Variants in FAM53B observed in about 807,000 individuals in gnomAD.
FAM53B encodes the protein family with sequence similarity 53 member B.
A neutral mutation model predicts 32.7 loss-of-function variants in FAM53B; 12 were observed. The ratio of observed to expected loss-of-function variants is 0.37; its 90% CI spans 0.24 to 0.59. The LOEUF (loss-of-function observed/expected upper bound fraction) is 0.59. Among genes scored for constraint, FAM53B ranks in the 20% least tolerant of loss-of-function variants. FAM53B has a pLI of 0.72. For missense variants in FAM53B, 477 were observed against 577.7 expected, an observed-to-expected ratio of 0.83 and a Z score of 1.79; for synonymous variants, 234 against 228.7, an observed-to-expected ratio of 1.02 and a Z score of -0.21.
Position 124,744,166 on chromosome 10 carries a change from G to T in FAM53B, c.-328C>A. The T allele has an allele frequency of 6.8e-6, 1 of 147,370 alleles. No homozygotes were observed. Among genetic ancestry groups the T allele is most frequent in the South Asian group, 2.1e-4 (1 of 4,834 alleles). The allele number at this position is 147,370 out of a possible 1,614,324, so 9.1% of individuals were successfully genotyped here. ...AGCGACTCCCGGGGAGGAGGAAATCGACTTGTCACTTCCTGAAGTGTTTGC... is the reference window on the plus strand; with the variant it reads ...AGCGACTCCCGGGGAGGAGGAAATCTACTTGTCACTTCCTGAAGTGTTTGC... On this transcript the variant is annotated 5_prime_UTR_variant, in exon 1 of 5. Coordinates refer to ENST00000337318, the MANE Select transcript of FAM53B (RefSeq NM_014661.4).
At position 124,682,263 on chromosome 10, in the gene FAM53B, C is replaced by T; in HGVS notation, c.250G>A (p.Val84Met). Residue 84 changes from valine (V) to methionine (M), a missense_variant, in exon 4 of 5, where the codon GTG becomes ATG. Val to Met is a conservative substitution (Grantham distance 21). This residue lies in a region of FAM53B where 312 missense variants were observed against 420.2 expected (regional missense o/e 0.74). Transcript: ENST00000337318. This position sits in a 1 kb window ranked among gnomAD's most constrained non-coding sequence, Gnocchi z 5.2. ...AGACTGGTCACAGCGCAGGCGGTCA[C>T]TGCCTCCCGGTGCCATAGTGAGCTG... Reference protein sequence around the residue: ...KDSSLWHREAVTACAVTSLIK... With the variant: ...KDSSLWHREAMTACAVTSLIK... 6.2e-7 allele frequency: 1 copy of T among 1,614,096 alleles called. No homozygotes were observed. The highest frequency in any genetic ancestry group is 8.5e-7 in the Non-Finnish European group (1 of 1,180,000).
chr10:124,725,208 A>G (rs560527962), intron 1 of FAM53B, among the ~76,000 whole-genome samples: 2 of 152,250 alleles, frequency 1.3e-5, no homozygotes, highest in African/African-American at 4.8e-5. Context: ...AAAACCCCCA[A>G]ATGAGAGGAA....
chr10:124,659,669 C>T (rs553133448), intron 4 of FAM53B, among the ~76,000 whole-genome samples: 2 of 152,362 alleles, frequency 1.3e-5, no homozygotes, highest in African/African-American at 4.8e-5. Flanking sequence ...AGAGTGGCTG[C>T]AAAACCACCT....
chr10:124,661,037 C>A (rs1228036825), intron 4 of FAM53B, among the ~76,000 whole-genome samples: 1 of 140,672 alleles, frequency 7.1e-6, no homozygotes, highest in African/African-American at 2.7e-5. Flanking sequence ...GCCACCTGTA[C>A]CCCAAAAGCT....
intron 3 of FAM53B, among the ~76,000 whole-genome samples, chr10:124,694,074 G>C (rs1175913530): frequency 6.6e-6 from 1 of 152,228 alleles, no homozygotes; most frequent in African/African-American, 2.4e-5. Flanking sequence ...GAGCAGCAGA[G>C]GAGAACAAGG....
intron 2 of FAM53B, among the ~76,000 whole-genome samples, chr10:124,697,406 A>G (rs886255635): frequency 6.6e-6 from 1 of 152,086 alleles, no homozygotes; most frequent in African/African-American, 2.4e-5. Context: ...TGGCAGGAGG[A>G]TGGGGCTGAC....
chr10:124,680,301 A>G (rs1589748553), intron 4 of FAM53B, among the ~76,000 whole-genome samples: 1 of 152,090 alleles, frequency 6.6e-6, no homozygotes, highest in Non-Finnish European at 1.5e-5. Context: ...CAAGCATACC[A>G]CCATCTTGCC....
chr10:124,691,381 A>C (rs1446720689), intron 3 of FAM53B, among the ~76,000 whole-genome samples: 1 of 152,244 alleles, frequency 6.6e-6, no homozygotes, highest in East Asian at 1.9e-4. Flanking sequence ...ATAATGTATG[A>C]TCCTTCTGCT....
chr10:124,699,750 C>G (rs1564881291), intron 2 of FAM53B, among the ~76,000 whole-genome samples: 1 of 152,230 alleles, frequency 6.6e-6, no homozygotes, highest in East Asian at 1.9e-4. Flanking sequence ...GCCCAGAACT[C>G]AAGCCTGGCT....
chr10:124,691,362 T>G (rs1039711553), intron 3 of FAM53B, among the ~76,000 whole-genome samples: 2 of 152,260 alleles, frequency 1.3e-5, no homozygotes, highest in Admixed American at 1.3e-4. Context: ...TTACAATTCC[T>G]TTTTATACAT....
chr10:124,688,713 G>A (rs554020774), intron 3 of FAM53B, among the ~76,000 whole-genome samples: 1 of 152,240 alleles, frequency 6.6e-6, no homozygotes, highest in African/African-American at 2.4e-5. Flanking sequence ...AAGAAGGGCA[G>A]AAGACTGCTG....
intron 1 of FAM53B, among the ~76,000 whole-genome samples, chr10:124,731,941 A>T (rs1441660430): frequency 6.6e-6 from 1 of 152,172 alleles, no homozygotes; most frequent in South Asian, 2.1e-4. Context: ...TGCATTTGGC[A>T]TGAAGACCCA....
At chr10:124,650,356 C>T (rs2134050189) in intron 4 of FAM53B, among the ~76,000 whole-genome samples, 1 of 152,318 alleles carries the variant, frequency 6.6e-6, no homozygotes, top group South Asian at 2.1e-4. Flanking sequence ...CTAAGCGTTC[C>T]AGTTGGACCC....
chr10:124,723,285 TAAGTC>T (rs1950081161), intron 1 of FAM53B, among the ~76,000 whole-genome samples: 1 of 152,238 alleles, frequency 6.6e-6, no homozygotes, highest in South Asian at 2.1e-4. Flanking sequence ...ATCACCACGT[TAAGTC>T]AAGTCTCAAC....
At chr10:124,671,643 G>A (rs1949707546) in intron 4 of FAM53B, among the ~76,000 whole-genome samples, 1 of 152,198 alleles carries the variant, frequency 6.6e-6, no homozygotes, top group South Asian at 2.1e-4. Context: ...GGCCCTTCAG[G>A]GAGAGGGTGG....
In FAM53B at chr10:124,626,671, A is replaced by AC. The variant is rs1949358039; in HGVS notation, c.907-3068dup. ...TTCCCCAGTCTAAGGCATCTTTGTC[A>AC]CAGCAGCCCAAACAAAGTAAGACAC... On this transcript the variant is annotated intron_variant, in intron 4 of 4. Transcript: ENST00000337318. Among the ~76,000 whole-genome samples the AC allele has an allele frequency of 2.0e-5, 3 of 152,274 alleles. No individual in the cohort carries two copies. In the South Asian group the frequency reaches 6.2e-4, roughly 32 times the overall value.
intron 1 of FAM53B, among the ~76,000 whole-genome samples, chr10:124,714,776 A>AC (rs1554910411): frequency 3.4e-4 from 52 of 151,512 alleles, no homozygotes; most frequent in East Asian, 2.1e-3. Context: ...AAAAAAAAAA[A>AC]AAAGAAAACC....
At chr10:124,718,996 C>G (rs1950052546) in intron 1 of FAM53B, among the ~76,000 whole-genome samples, 1 of 151,638 alleles carries the variant, frequency 6.6e-6, no homozygotes, top group African/African-American at 2.4e-5. Flanking sequence ...ATGATAGCAA[C>G]ACTTCACTAC....
At chr10:124,736,183 T>A (rs11245345) in intron 1 of FAM53B, among the ~76,000 whole-genome samples, 12,694 of 152,280 alleles carry the variant, frequency 0.083, 749 homozygotes, top group Non-Finnish European at 0.12. Context: ...AAACGCTGGG[T>A]GGCAGGACCA....
Sources: gnomAD v4.1 joint callset for allele counts (sites outside exome capture counted in the v4.1 genomes callset) on GRCh38, gnomAD v4.1.1 for gene constraint, gnomAD v4.1.1 regional missense constraint, Gnocchi (gnomAD v3.1) non-coding constraint, MANE v1.5 for transcripts, NCBI Gene and HGNC (gene_info 2026-07-23, HGNC 2026-07-21) for gene names.